The following PDK1 variants were observed in gnomAD, a reference collection of about 807,000 sequenced individuals.
PDK1 encodes pyruvate dehydrogenase kinase 1, also known as [Pyruvate dehydrogenase (acetyl-transferring)] kinase isozyme 1, mitochondrial.
In PDK1, 39 loss-of-function variants were observed where a neutral mutation model predicts 54.2. The ratio of observed to expected loss-of-function variants is 0.72; its 90% CI spans 0.56 to 0.94. The LOEUF is 0.94. Ranked by LOEUF, PDK1 falls within the 40% of genes least tolerant of loss-of-function variation. The pLI is 0.00. For missense variants in PDK1, 552 were observed against 566.0 expected (o/e 0.98, Z 0.25); for synonymous variants, 221 against 207.1 (o/e 1.07, Z -0.58).
At chr2:172,695,468 G>A in the PDK1 span, among the ~76,000 whole-genome samples, 2 of 152,162 alleles carry the variant, frequency 1.3e-5, no homozygotes, top group Non-Finnish European at 2.9e-5. Context: ...ACTCAAGCAG[G>A]CTAAATAAAT....
chr2:172,672,874 A>G, the PDK1 span, among the ~76,000 whole-genome samples: 2 of 151,720 alleles, frequency 1.3e-5, no homozygotes, highest in South Asian at 4.2e-4. Flanking sequence ...TCTATTTACA[A>G]ATGTTAGCAG....
chr2:172,692,645 G>A, the PDK1 span, among the ~76,000 whole-genome samples: 20 of 152,194 alleles, frequency 1.3e-4, no homozygotes, highest in African/African-American at 4.6e-4. Flanking sequence ...TAGGGAGAGG[G>A]TATTGAGGCA....
the PDK1 span, among the ~76,000 whole-genome samples, chr2:172,681,812 G>A: frequency 6.6e-6 from 1 of 152,106 alleles, no homozygotes; most frequent in African/African-American, 2.4e-5. Flanking sequence ...AGATTGGAGT[G>A]GAGTGGTACG....
At chr2:172,692,915 T>C in the PDK1 span, among the ~76,000 whole-genome samples, 241 of 152,312 alleles carry the variant, frequency 1.6e-3, 1 homozygote, top group African/African-American at 5.5e-3. Context: ...TTACACAAAG[T>C]TCAACCAGAT....
chr2:172,682,615 A>G, the PDK1 span, among the ~76,000 whole-genome samples: 1 of 152,230 alleles, frequency 6.6e-6, no homozygotes, highest in Non-Finnish European at 1.5e-5. Context: ...TGGCTGAGAA[A>G]GGAATGAGTG....
intron 8 of PDK1, among the ~76,000 whole-genome samples, chr2:172,575,068 A>T (rs1011964349): frequency 6.6e-6 from 1 of 152,182 alleles, no homozygotes; most frequent in Admixed American, 6.5e-5. Flanking sequence ...TGTTTTTATC[A>T]TGAAAGGATG....
Position 172,564,597 on chromosome 2 carries a change from G to C in PDK1, c.505G>C (p.Val169Leu), listed in dbSNP as rs1688833206. 1 of 1,613,976 alleles carries C rather than the reference G, an allele frequency of 6.2e-7. No individual in the cohort carries two copies. Among genetic ancestry groups the C allele is most frequent in the African/African-American group, 1.3e-5 (1 of 74,926 alleles). ...GVIEYKESFG[V>L]DPVTSQNVQY... is the part of the protein sequence containing the mutation. ...GATTGAATACAAGGAGAGCTTTGGG[G>C]TGGATCCTGTCACCAGCCAGAATGT... The change falls in exon 4 of 11, where the codon GTG becomes CTG. Residue 169 changes from valine to leucine, a missense_variant. By Grantham distance (32) the Val-to-Leu change is conservative. Coordinates refer to ENST00000282077, the MANE Select transcript of PDK1 (RefSeq NM_002610.5).
At chr2:172,622,648 A>C in the PDK1 span, among the ~76,000 whole-genome samples, 8 of 138,844 alleles carry the variant, frequency 5.8e-5, no homozygotes, top group African/African-American at 1.8e-4. Flanking sequence ...ATATGTTTAT[A>C]TCTCATGTGA....
chr2:172,570,867 AATTG>A (rs895489191), intron 8 of PDK1, 43 bp downstream of exon 8: 1 of 1,032,738 alleles, frequency 9.7e-7, no homozygotes, highest in African/African-American at 1.7e-5. Flanking sequence ...TTTTTTTTGT[AATTG>A]ATGAACAGAC....
intron 6 of PDK1, among the ~76,000 whole-genome samples, chr2:172,567,207 A>G (rs1689004317): frequency 1.3e-5 from 2 of 152,316 alleles, no homozygotes; most frequent in South Asian, 4.1e-4. Flanking sequence ...TAGTCATAGA[A>G]AGAAAATGAT....
intron 8 of PDK1, among the ~76,000 whole-genome samples, chr2:172,583,090 T>A (rs1267696600): frequency 6.6e-6 from 1 of 152,146 alleles, no homozygotes; most frequent in Non-Finnish European, 1.5e-5. Context: ...CTTCATGTAT[T>A]TATAGAATAC....
the PDK1 span, among the ~76,000 whole-genome samples, chr2:172,631,001 A>T: frequency 3.3e-5 from 5 of 152,162 alleles, no homozygotes; most frequent in Non-Finnish European, 5.9e-5. Context: ...TACATATTCT[A>T]TGTTCACTTC....
rs770397864 is a variant in PDK1 at position 172,604,437 on chromosome 2, C to T, written c.*8468C>T. On this transcript the variant is annotated 3_prime_UTR_variant, in exon 11 of 11. Coordinates refer to ENST00000282077, the MANE Select transcript of PDK1 (RefSeq NM_002610.5). ...TGTAGTTTTCAGCTTACAGATTCCG[C>T]GCATATTTTGTTAGACTTAAATCTA... The T allele has an allele frequency of 7.2e-5, 11 of 152,100 alleles. No homozygotes were observed. The highest frequency in any genetic ancestry group is 2.6e-4 in the Admixed American group (4 of 15,274). 9.4% of individuals were successfully genotyped at this position (152,100 alleles called of 1,614,324 possible).
At chr2:172,620,470 C>T in the PDK1 span, among the ~76,000 whole-genome samples, 1 of 152,102 alleles carries the variant, frequency 6.6e-6, no homozygotes, top group Non-Finnish European at 1.5e-5. Flanking sequence ...AGAAGAAAAG[C>T]CTCAGGGAAC....
At chr2:172,681,924 A>C in the PDK1 span, among the ~76,000 whole-genome samples, 2 of 152,058 alleles carry the variant, frequency 1.3e-5, no homozygotes, top group African/African-American at 4.8e-5. Context: ...CACCCGGCTA[A>C]TTTTTGTATT....
At chr2:172,565,113 A>T (rs1688865691) in intron 5 of PDK1, 40 bp downstream of exon 5, 3 of 1,193,052 alleles carry the variant, frequency 2.5e-6, no homozygotes, top group Non-Finnish European at 3.7e-6. Context: ...AAGATACAAA[A>T]ATCAAAATTA....
At chr2:172,579,941 C>T (rs78435708) in intron 8 of PDK1, among the ~76,000 whole-genome samples, 1,642 of 152,088 alleles carry the variant, frequency 0.011, 19 homozygotes, top group Admixed American at 0.018. Flanking sequence ...TGTGAGATTT[C>T]CTTGACTTCA....
the PDK1 span, among the ~76,000 whole-genome samples, chr2:172,648,391 G>T: frequency 6.6e-6 from 1 of 152,280 alleles, no homozygotes; most frequent in East Asian, 1.9e-4. Flanking sequence ...TTCCAAGATG[G>T]CCGAATAGGA....
chr2:172,622,041 ATC>A, the PDK1 span, among the ~76,000 whole-genome samples: 10 of 149,538 alleles, frequency 6.7e-5, no homozygotes, highest in Admixed American at 1.3e-4. Flanking sequence ...ATACGTTTAT[ATC>A]TCATATATGT....
Sources: allele counts gnomAD v4.1 joint callset (sites outside exome capture counted in the v4.1 genomes callset), GRCh38; gene constraint gnomAD v4.1.1; transcripts MANE v1.5; gene names NCBI Gene and HGNC (gene_info 2026-07-23, HGNC 2026-07-21).